The following RAI14 variants were observed in gnomAD, a reference collection of about 807,000 sequenced individuals.
RAI14 encodes the protein retinoic acid induced 14, also known as ankycorbin.
In RAI14, 45 loss-of-function variants were observed where a neutral mutation model predicts 115.4. The observed-to-expected ratio is 0.39, with a 90% CI of 0.31 to 0.50. The LOEUF (loss-of-function observed/expected upper bound fraction) is 0.50. Among genes scored for constraint, RAI14 ranks in the 20% least tolerant of loss-of-function variants. The pLI is 0.85. For missense variants in RAI14, 939 were observed against 1,131.2 expected, an observed-to-expected ratio of 0.83 and a Z score of 2.44; for synonymous variants, 371 against 415.4, an observed-to-expected ratio of 0.89 and a Z score of 1.30.
intron 2 of RAI14, among the ~76,000 whole-genome samples, chr5:34,728,193 C>G (rs1430328815): frequency 6.6e-6 from 1 of 152,226 alleles, no homozygotes; most frequent in East Asian, 1.9e-4. Context: ...CCCACTGTAT[C>G]TAGGAAGTAA....
intron 2 of RAI14, among the ~76,000 whole-genome samples, chr5:34,739,740 G>T (rs1174613365): frequency 6.6e-6 from 1 of 152,134 alleles, no homozygotes; most frequent in Non-Finnish European, 1.5e-5. Context: ...CAGCCCTTGT[G>T]CCAGATGCCT....
At chr5:34,708,207 G>T (rs10077442) in intron 2 of RAI14, among the ~76,000 whole-genome samples, 43,511 of 144,042 alleles carry the variant, frequency 0.3, 7,323 homozygotes, top group African/African-American at 0.48. Context: ...TTGGGTTTTT[G>T]TTTTTTTTTT....
chr5:34,720,701 C>A (rs936319238), intron 2 of RAI14, among the ~76,000 whole-genome samples: 1 of 151,944 alleles, frequency 6.6e-6, no homozygotes, highest in African/African-American at 2.4e-5. Context: ...TGAGCCACCG[C>A]GCCCGGCAGA....
intron 14 of RAI14, among the ~76,000 whole-genome samples, chr5:34,822,274 A>AT (rs3996922): frequency 2.3e-4 from 34 of 145,614 alleles, no homozygotes; most frequent in South Asian, 1.5e-3. Flanking sequence ...ATATATATAT[A>AT]AAATATTATC....
chr5:34,720,535 C>T (rs889545898), intron 2 of RAI14, among the ~76,000 whole-genome samples: 1 of 151,248 alleles, frequency 6.6e-6, no homozygotes, highest in Non-Finnish European at 1.5e-5. Context: ...CTCAGCCTCC[C>T]GAGTAGCTGG....
intron 1 of RAI14, among the ~76,000 whole-genome samples, chr5:34,665,003 GTATA>G (rs70973003): frequency 0.085 from 1,319 of 15,596 alleles, 135 homozygotes; most frequent in East Asian, 0.13. Flanking sequence ...ATATATATGT[GTATA>G]TATATATATA....
chr5:34,676,113 C>T (rs944192319), intron 1 of RAI14, among the ~76,000 whole-genome samples: 20 of 152,176 alleles, frequency 1.3e-4, no homozygotes, highest in Admixed American at 5.2e-4. Context: ...AATGACTATA[C>T]CATTTTACAT....
At position 34,830,820 on chromosome 5, in the gene RAI14, A is replaced by G; in HGVS notation, c.*55A>G. On this transcript the variant is annotated 3_prime_UTR_variant, in exon 18 of 18. Coordinates refer to ENST00000265109, the MANE Select transcript of RAI14 (RefSeq NM_015577.3). ...TGTCATCTGTCTTTGTGTTAGATCC[A>G]GAGTTGTCGGCAGCCGCTGCCATTG... is the stretch of plus-strand genomic sequence containing the variant. The G allele has an allele frequency of 6.2e-7, 1 of 1,609,490 alleles. No individual in the cohort carries two copies. Among genetic ancestry groups the G allele is most frequent in the Non-Finnish European group, 8.5e-7 (1 of 1,177,576 alleles).
intron 2 of RAI14, among the ~76,000 whole-genome samples, chr5:34,748,407 T>C (rs1175259082): frequency 1.3e-5 from 2 of 152,236 alleles, no homozygotes; most frequent in Non-Finnish European, 2.9e-5. Context: ...TTGTAAGGTT[T>C]CACTTGTATC....
At chr5:34,699,807 T>C (rs747988899) in intron 2 of RAI14, among the ~76,000 whole-genome samples, 1 of 152,214 alleles carries the variant, frequency 6.6e-6, no homozygotes, top group South Asian at 2.1e-4. Flanking sequence ...GAACAAAATA[T>C]GATGATTCCA....
intron 3 of RAI14, among the ~76,000 whole-genome samples, chr5:34,766,054 A>G (rs1369305846): frequency 6.6e-6 from 1 of 152,236 alleles, no homozygotes; most frequent in Non-Finnish European, 1.5e-5. Flanking sequence ...TGGGTTTGGG[A>G]AACTACACCT....
intron 2 of RAI14, among the ~76,000 whole-genome samples, chr5:34,731,450 C>A (rs1231874620): frequency 6.6e-6 from 1 of 152,122 alleles, no homozygotes; most frequent in East Asian, 1.9e-4. Context: ...TATTAAACAT[C>A]TGTGTATTTG....
At chr5:34,819,539 G>A (rs1049316920) in intron 13 of RAI14, among the ~76,000 whole-genome samples, 1 of 152,142 alleles carries the variant, frequency 6.6e-6, no homozygotes, top group Admixed American at 6.5e-5. Flanking sequence ...TAATCATATT[G>A]TCTTTATGAT....
At chr5:34,669,056 T>C (rs1212701040) in intron 1 of RAI14, among the ~76,000 whole-genome samples, 1 of 152,066 alleles carries the variant, frequency 6.6e-6, no homozygotes, top group East Asian at 1.9e-4. Flanking sequence ...GGGGTTTCAC[T>C]ATGTTGGCCA....
chr5:34,726,342 A>AT (rs1434669101), intron 2 of RAI14, among the ~76,000 whole-genome samples: 6 of 152,198 alleles, frequency 3.9e-5, no homozygotes, highest in Non-Finnish European at 1.5e-5. Context: ...CATGAAACTT[A>AT]TGGTGGAAGG....
chr5:34,660,778 CTT>C (rs559034141), intron 1 of RAI14, among the ~76,000 whole-genome samples: 4 of 145,366 alleles, frequency 2.8e-5, no homozygotes, highest in African/African-American at 2.5e-5. Context: ...TGGGCACATT[CTT>C]TTTTTTTTTT....
chr5:34,754,621 A>G (rs1747647383), intron 2 of RAI14, among the ~76,000 whole-genome samples: 1 of 152,056 alleles, frequency 6.6e-6, no homozygotes, highest in Non-Finnish European at 1.5e-5. Flanking sequence ...TATTTATTGA[A>G]GATTTGCTTG....
At chr5:34,760,041 T>C (rs754715574) in intron 3 of RAI14, among the ~76,000 whole-genome samples, 2 of 152,152 alleles carry the variant, frequency 1.3e-5, no homozygotes, top group Non-Finnish European at 2.9e-5. Context: ...GGAGTCTCTG[T>C]CACCAGGCCG....
In RAI14 at chr5:34,813,636, A is replaced by G; in HGVS notation, c.828A>G (p.Pro276=). The part of the protein sequence containing the change: ...RSGTPKKRKA[P]PPPISPTQLS... ...GAACTCCAAAAAAACGCAAAGCTCCACCACCTCCTATCAGTCCTACCCAGG... is the reference window on the plus strand; with the variant it reads ...GAACTCCAAAAAAACGCAAAGCTCCGCCACCTCCTATCAGTCCTACCCAGG... The change falls in exon 11 of 18, where the codon CCA becomes CCG. Residue 276 remains proline (P), a synonymous_variant. Coordinates refer to ENST00000265109, the MANE Select transcript of RAI14 (RefSeq NM_015577.3). 1 of 1,612,996 alleles carries G rather than the reference A, an allele frequency of 6.2e-7. No individual in the cohort carries two copies. Among genetic ancestry groups the G allele is most frequent in the Non-Finnish European group, 8.5e-7 (1 of 1,179,078 alleles).
Sources: allele counts gnomAD v4.1 joint callset (sites outside exome capture counted in the v4.1 genomes callset), GRCh38; gene constraint gnomAD v4.1.1; transcripts MANE v1.5; gene names NCBI Gene and HGNC (gene_info 2026-07-23, HGNC 2026-07-21).